PCDH15: variants seen among roughly 807,000 people sequenced by gnomAD.
PCDH15 encodes protocadherin related 15, also known as protocadherin-15.
Under a neutral mutation model 178.5 loss-of-function variants are expected in PCDH15, and 129 were observed. The ratio of observed to expected loss-of-function variants is 0.72; its 90% CI spans 0.63 to 0.84. The LOEUF (loss-of-function observed/expected upper bound fraction) is 0.84, where lower values mean the gene tolerates loss of function less well. PCDH15 is among the 40% of genes least tolerant of loss of function. The pLI, the probability that PCDH15 is intolerant of heterozygous loss-of-function variation, is 0.00. For missense variants in PCDH15, 2,230 were observed against 2,099.9 expected (o/e 1.06, Z -1.21); for synonymous variants, 800 against 732.0 (o/e 1.09, Z -1.50).
At chr10:54,961,053 C>G (rs1838633168) in intron 2 of PCDH15, among the ~76,000 whole-genome samples, 1 of 152,214 alleles carries the variant, frequency 6.6e-6, no homozygotes, top group Admixed American at 6.5e-5. Context: ...ATTTAGAACA[C>G]TGCAGGAAAA....
At chr10:55,211,803 A>G (rs1007880462) in intron 1 of PCDH15, among the ~76,000 whole-genome samples, 4 of 152,134 alleles carry the variant, frequency 2.6e-5, no homozygotes, top group African/African-American at 9.7e-5. Context: ...AAACCTACGT[A>G]TATGTAAAAC....
chr10:54,909,335 G>A (rs181691305), intron 2 of PCDH15, among the ~76,000 whole-genome samples: 251 of 152,174 alleles, frequency 1.6e-3, no homozygotes, highest in African/African-American at 5.6e-3. Flanking sequence ...ATGCCAAGGG[G>A]TGCCTGCAGG....
intron 13 of PCDH15, among the ~76,000 whole-genome samples, chr10:54,177,460 T>C (rs1265236944): frequency 6.6e-6 from 1 of 152,038 alleles, no homozygotes; most frequent in Non-Finnish European, 1.5e-5. Flanking sequence ...AGTTCATTAA[T>C]TGTGGCAAAT....
chr10:54,333,765 C>T lies in PCDH15; in HGVS notation c.595-4059G>A, dbSNP rs985066726. On this transcript the variant is annotated intron_variant, in intron 6 of 37. Transcript: ENST00000644397. ...AATTCCCGAAATTCTTGGGAATCGG[C>T]ATTTTTAACAAACCTACCAGGTGAT... Among the ~76,000 whole-genome samples, 10 of 152,250 alleles carry T rather than the reference C, an allele frequency of 6.6e-5. No homozygotes were observed. The East Asian group carries it at 1.9e-3, about 29-fold the overall frequency.
At chr10:54,063,933 G>A (rs2094084484) in intron 18 of PCDH15, among the ~76,000 whole-genome samples, 1 of 152,140 alleles carries the variant, frequency 6.6e-6, no homozygotes, top group African/African-American at 2.4e-5. Context: ...TCTCCTTTTT[G>A]TTGCTCGCCA....
chr10:54,402,967 T>A (rs1952125438), intron 3 of PCDH15, among the ~76,000 whole-genome samples: 1 of 152,048 alleles, frequency 6.6e-6, no homozygotes, highest in South Asian at 2.1e-4. Context: ...GAGGAAGGCA[T>A]GTTGTAACCA....
At chr10:54,174,355 AC>A (rs1185734486) in intron 13 of PCDH15, among the ~76,000 whole-genome samples, 1 of 151,046 alleles carries the variant, frequency 6.6e-6, no homozygotes, top group Non-Finnish European at 1.5e-5. Flanking sequence ...ACACGGTGAA[AC>A]CCCGTCTCTA....
At chr10:53,867,101 TAA>T (rs998665842) in intron 26 of PCDH15, among the ~76,000 whole-genome samples, 2 of 152,136 alleles carry the variant, frequency 1.3e-5, no homozygotes, top group African/African-American at 4.8e-5. Flanking sequence ...GACATAGGTA[TAA>T]TTCTGTACCC....
At chr10:54,905,695 G>A (rs1954707070) in intron 2 of PCDH15, among the ~76,000 whole-genome samples, 1 of 152,102 alleles carries the variant, frequency 6.6e-6, no homozygotes, top group African/African-American at 2.4e-5. Flanking sequence ...AAGCTGGATA[G>A]AGTTGTCTTT....
At chr10:55,159,359 ATC>A (rs1838991131) in intron 2 of PCDH15, among the ~76,000 whole-genome samples, 8 of 1,846 alleles carry the variant, frequency 4.3e-3, no homozygotes, top group Admixed American at 0.013. Context: ...CTATCTATCT[ATC>A]TATCTATCTA....
intron 3 of PCDH15, among the ~76,000 whole-genome samples, chr10:54,390,082 T>C (rs1745792466): frequency 6.6e-6 from 1 of 152,326 alleles, no homozygotes; most frequent in Non-Finnish European, 1.5e-5. Flanking sequence ...TTGGTTTCAG[T>C]TAGCCAATCT....
chr10:54,370,716 T>C (rs1470154544), intron 4 of PCDH15, among the ~76,000 whole-genome samples: 1 of 151,820 alleles, frequency 6.6e-6, no homozygotes, highest in Non-Finnish European at 1.5e-5. Context: ...AGGGATTACA[T>C]ACATATCCTA....
intron 14 of PCDH15, among the ~76,000 whole-genome samples, chr10:54,139,666 A>T (rs886696760): frequency 3.3e-5 from 5 of 152,056 alleles, no homozygotes; most frequent in African/African-American, 1.2e-4. Flanking sequence ...TCTAAAGAAG[A>T]TGTGTTTTTA....
chr10:54,332,297 C>T (rs1470166), intron 6 of PCDH15, among the ~76,000 whole-genome samples: 13,339 of 38,850 alleles, frequency 0.34, 3,347 homozygotes, highest in African/African-American at 0.46. Flanking sequence ...ATCTATATTA[C>T]ATATTATTAT....
At chr10:54,488,142 C>T (rs568163503) in intron 3 of PCDH15, among the ~76,000 whole-genome samples, 79 of 151,846 alleles carry the variant, frequency 5.2e-4, no homozygotes, top group African/African-American at 1.8e-3. Context: ...ACTTTTCATA[C>T]TGTTTTACTA....
intron 1 of PCDH15, among the ~76,000 whole-genome samples, chr10:55,239,762 A>AG (rs1841491005): frequency 1.3e-5 from 2 of 152,170 alleles, no homozygotes; most frequent in Admixed American, 1.3e-4. Flanking sequence ...GCCTTAGAAA[A>AG]GGAAAATGTT....
Position 55,610,755 on chromosome 10 carries a change from G to A in PCDH15, c.-156+16870C>T, listed in dbSNP as rs115873538. 5.5e-3 allele frequency among the ~76,000 whole-genome samples: 834 copies of A among 151,974 alleles called. 14 individuals carry two copies. Among genetic ancestry groups the A allele is most frequent in the African/African-American group, 0.019 (787 of 41,496 alleles). On this transcript the variant is annotated intron_variant, in intron 2 of 5. Coordinates refer to the PCDH15 transcript ENST00000613346. ...TATACCCCCAGAGTCAAACTTGCCCGTCATCAAAATGTCTAAAGATCTGAG... is the reference window on the plus strand; with the variant it reads ...TATACCCCCAGAGTCAAACTTGCCCATCATCAAAATGTCTAAAGATCTGAG...
chr10:54,331,612 A>G lies in PCDH15; in HGVS notation c.595-1906T>C, dbSNP rs191838892. 1.7e-3 allele frequency among the ~76,000 whole-genome samples: 254 copies of G among 152,184 alleles called. 1 individual carries two copies. The highest frequency in any genetic ancestry group is 5.9e-3 in the African/African-American group (247 of 41,550). ...GTTGAATATGGGCAAAACCTTAGTT[A>G]ATAATTGCTGTTTACACTGTTAAAC... On this transcript the variant is annotated intron_variant, in intron 6 of 37. Coordinates refer to ENST00000644397, the MANE Select transcript of PCDH15 (RefSeq NM_001384140.1).
intron 3 of PCDH15, among the ~76,000 whole-genome samples, chr10:54,494,670 C>T (rs1294086765): frequency 6.6e-6 from 1 of 152,060 alleles, no homozygotes; most frequent in African/African-American, 2.4e-5. Context: ...TTTTGCCTAA[C>T]CCTTGTGAGG....
Sources: allele counts gnomAD v4.1 joint callset (sites outside exome capture counted in the v4.1 genomes callset), GRCh38; gene constraint gnomAD v4.1.1; transcripts MANE v1.5; gene names NCBI Gene and HGNC (gene_info 2026-07-23, HGNC 2026-07-21).